The following ZBTB7C variants were observed in gnomAD, a reference collection of about 807,000 sequenced individuals.
ZBTB7C encodes the protein zinc finger and BTB domain containing 7C.
ZBTB7C carries 8 observed loss-of-function variants against 25.7 expected under a neutral mutation model. That is an observed-to-expected ratio of 0.31 (90% CI 0.18 to 0.56). The LOEUF (loss-of-function observed/expected upper bound fraction) is 0.56, where lower values mean the gene tolerates loss of function less well. Among genes scored for constraint, ZBTB7C ranks in the 20% least tolerant of loss-of-function variants. The pLI, the probability that ZBTB7C is intolerant of heterozygous loss-of-function variation, is 0.91. For missense variants in ZBTB7C, 824 were observed against 855.2 expected (o/e 0.96, Z 0.46); for synonymous variants, 394 against 369.0 (o/e 1.07, Z -0.78).
intron 2 of ZBTB7C, among the ~76,000 whole-genome samples, chr18:48,322,373 C>T (rs2046116440): frequency 6.6e-6 from 1 of 152,174 alleles, no homozygotes; most frequent in African/African-American, 2.4e-5. Context: ...TCCCAGACCT[C>T]ACCACCAAAT....
intron 3 of ZBTB7C, among the ~76,000 whole-genome samples, chr18:48,145,270 C>A (rs1044710306): frequency 2.6e-5 from 4 of 152,188 alleles, no homozygotes; most frequent in African/African-American, 9.7e-5. Flanking sequence ...ACTGGCCCCT[C>A]AAAGGCCTGT....
intron 3 of ZBTB7C, among the ~76,000 whole-genome samples, chr18:48,138,000 A>T (rs1037744727): frequency 2.0e-5 from 3 of 152,252 alleles, no homozygotes; most frequent in African/African-American, 7.2e-5. Flanking sequence ...GGTCACCTGG[A>T]GGAAATAACC....
chr18:48,199,816 T>C (rs2042395678), intron 2 of ZBTB7C, among the ~76,000 whole-genome samples: 1 of 152,166 alleles, frequency 6.6e-6, no homozygotes, highest in African/African-American at 2.4e-5. Flanking sequence ...TAGGGAGGGA[T>C]CTGGTCATTT....
chr18:48,204,101 C>T (rs1172843883), intron 2 of ZBTB7C, among the ~76,000 whole-genome samples: 1 of 152,226 alleles, frequency 6.6e-6, no homozygotes, highest in Non-Finnish European at 1.5e-5. Flanking sequence ...TGCAGTGCCT[C>T]CCTCCTTTTT....
At chr18:48,255,989 A>G (rs1301367063) in intron 2 of ZBTB7C, among the ~76,000 whole-genome samples, 2 of 152,218 alleles carry the variant, frequency 1.3e-5, no homozygotes, top group Admixed American at 6.5e-5. Flanking sequence ...AAAAGTGTAC[A>G]GAGCAAAAGT....
intron 2 of ZBTB7C, among the ~76,000 whole-genome samples, chr18:48,265,501 G>C (rs1368700997): frequency 6.6e-6 from 1 of 152,194 alleles, no homozygotes; most frequent in Non-Finnish European, 1.5e-5. Flanking sequence ...CTCTAGAACA[G>C]GGATTGTAAC....
rs898686299 is a variant in ZBTB7C at position 48,187,015 on chromosome 18, T to G, written c.-78-1020A>C. ...GCAGACTGAGCAGCCTAGCTCGGAA[T>G]GGGGAAAAGGGGTGGGTGCGAGAGG... On this transcript the variant is annotated intron_variant, in intron 2 of 4. Transcript: ENST00000590800. Among the ~76,000 whole-genome samples the G allele has an allele frequency of 2.6e-5, 4 of 152,050 alleles. No individual in the cohort carries two copies. In the South Asian group the frequency reaches 8.3e-4, roughly 31 times the overall value.
chr18:48,372,452 G>T (rs74997357), intron 1 of ZBTB7C, among the ~76,000 whole-genome samples: 2,098 of 152,290 alleles, frequency 0.014, 58 homozygotes, highest in African/African-American at 0.049. Context: ...CGCGCTGAGG[G>T]AGTTAAAAGC....
chr18:48,265,358 A>G (rs565264992), intron 2 of ZBTB7C, among the ~76,000 whole-genome samples: 1 of 152,246 alleles, frequency 6.6e-6, no homozygotes. Flanking sequence ...GTGCCTGGCT[A>G]TGGTTTTCTC....
At chr18:48,143,576 CAGCTCCTAAG>C (rs1408282778) in intron 3 of ZBTB7C, among the ~76,000 whole-genome samples, 1 of 152,148 alleles carries the variant, frequency 6.6e-6, no homozygotes, top group Admixed American at 6.5e-5. Context: ...TTCCCTTTGT[CAGCTCCTAAG>C]AGCTGACAAA....
At chr18:48,241,658 CAAT>C (rs568392548) in intron 2 of ZBTB7C, among the ~76,000 whole-genome samples, 77 of 152,122 alleles carry the variant, frequency 5.1e-4, no homozygotes, top group African/African-American at 1.8e-3. Flanking sequence ...TTGAACTGAA[CAAT>C]AATAGTGACA....
At chr18:48,317,488 C>T (rs2144830847) in intron 2 of ZBTB7C, among the ~76,000 whole-genome samples, 1 of 152,222 alleles carries the variant, frequency 6.6e-6, no homozygotes, top group Non-Finnish European at 1.5e-5. Context: ...ATTCCAGAAA[C>T]AAAACGTCTC....
At chr18:48,357,978 G>A (rs983330172) in intron 1 of ZBTB7C, among the ~76,000 whole-genome samples, 2 of 152,212 alleles carry the variant, frequency 1.3e-5, no homozygotes, top group East Asian at 1.9e-4. Context: ...GGCAGATCCC[G>A]CATGAATGGC....
intron 1 of ZBTB7C, among the ~76,000 whole-genome samples, chr18:48,361,328 C>T (rs1342523469): frequency 5.3e-5 from 8 of 152,120 alleles, no homozygotes; most frequent in Non-Finnish European, 1.2e-4. Flanking sequence ...ACTAATATTC[C>T]AGTTTGACAG....
At chr18:48,104,965 C>T (rs964667472) in intron 3 of ZBTB7C, among the ~76,000 whole-genome samples, 1 of 152,214 alleles carries the variant, frequency 6.6e-6, no homozygotes, top group African/African-American at 2.4e-5. Flanking sequence ...CCGCACTGAC[C>T]TCTGCTACAG....
At chr18:48,214,867 C>T (rs1568307606) in intron 2 of ZBTB7C, among the ~76,000 whole-genome samples, 1 of 152,220 alleles carries the variant, frequency 6.6e-6, no homozygotes, top group East Asian at 1.9e-4. Context: ...CACCTCTTGG[C>T]TATTGTGAAT....
intron 3 of ZBTB7C, among the ~76,000 whole-genome samples, chr18:48,090,321 C>A (rs2038364426): frequency 6.6e-6 from 1 of 152,198 alleles, no homozygotes. Context: ...CGGTGCTTGG[C>A]TCTCCTGCCT....
intron 1 of ZBTB7C, among the ~76,000 whole-genome samples, chr18:48,400,977 T>A (rs1189531063): frequency 2.6e-5 from 4 of 152,092 alleles, no homozygotes; most frequent in African/African-American, 9.7e-5. Context: ...GCTAATTGAG[T>A]AAGGAGTGTG....
intron 1 of ZBTB7C, among the ~76,000 whole-genome samples, chr18:48,379,444 C>A (rs1385461734): frequency 6.6e-6 from 1 of 152,192 alleles, no homozygotes; most frequent in African/African-American, 2.4e-5. Context: ...GAACCAATAT[C>A]TTACTATGGA....
Sources: allele counts gnomAD v4.1 joint callset (sites outside exome capture counted in the v4.1 genomes callset), GRCh38; gene constraint gnomAD v4.1.1; transcripts MANE v1.5; gene names NCBI Gene and HGNC (gene_info 2026-07-23, HGNC 2026-07-21).